CTNNA2: variants seen among roughly 807,000 people sequenced by gnomAD.
CTNNA2 encodes the protein catenin alpha 2, also known as catenin alpha-2.
CTNNA2 carries 42 observed loss-of-function variants against 101.0 expected under a neutral mutation model. That is an observed-to-expected ratio of 0.42 (90% CI 0.32 to 0.54). CTNNA2 has a LOEUF of 0.54. Ranked by LOEUF, CTNNA2 falls within the 20% of genes least tolerant of loss-of-function variation. The probability of loss-of-function intolerance (pLI) is 0.14; values close to 1 mark genes in which losing one functional copy is unlikely to be tolerated. For missense variants in CTNNA2, 871 were observed against 1,223.1 expected (o/e 0.71, Z 4.29); for synonymous variants, 450 against 456.4 (o/e 0.99, Z 0.18).
intron 1 of CTNNA2, among the ~76,000 whole-genome samples, chr2:79,639,541 T>C (rs1680304287): frequency 6.6e-6 from 1 of 152,202 alleles, no homozygotes; most frequent in Admixed American, 6.5e-5. Flanking sequence ...GAGTTTCTAA[T>C]GCATTCTGGA....
rs1056851664 is a variant in CTNNA2 at position 79,312,271 on chromosome 2, T to C, written c.-405-438T>C. Among the ~76,000 whole-genome samples, 9 of 150,998 alleles carry C rather than the reference T, an allele frequency of 6.0e-5. No individual in the cohort carries two copies. The East Asian group carries it at 1.8e-3, about 30-fold the overall frequency. On this transcript the variant is annotated intron_variant, in intron 2 of 21. Coordinates refer to the CTNNA2 transcript ENST00000466387. ...ATTAGTCAGTAGAAAGAGGTACTGA[T>C]AGAAATGTGTAGTTGGCCAGTCATT...
rs576671894 is a variant in CTNNA2, at chr2:80,566,862, G to A, written c.1742-7301G>A. Among the ~76,000 whole-genome samples, 7 of 152,312 alleles carry A rather than the reference G, an allele frequency of 4.6e-5. No individual in the cohort carries two copies. In the South Asian group the frequency reaches 1.4e-3, roughly 32 times the overall value. ...ATCAGGAAAAATTCTATTTGACTTA[G>A]GTTTAGAGATTCGAACATTAATTGA... On this transcript the variant is annotated intron_variant, in intron 12 of 18. Coordinates refer to ENST00000402739, the MANE Select transcript of CTNNA2 (RefSeq NM_001282597.3).
Position 80,362,237 on chromosome 2 carries a change from A to T in CTNNA2, c.1057-30974A>T, listed in dbSNP as rs984428053. Among the ~76,000 whole-genome samples, 10 of 152,204 alleles carry T rather than the reference A, an allele frequency of 6.6e-5. No individual in the cohort carries two copies. In the South Asian group the frequency reaches 1.7e-3, roughly 25 times the overall value. ...GATAGTTCCCAGGTCCTTGAGAAAG[A>T]CACTCCTCCATTATAAGGCTGGCAA... On this transcript the variant is annotated intron_variant, in intron 7 of 18. Coordinates refer to ENST00000402739, the MANE Select transcript of CTNNA2 (RefSeq NM_001282597.3).
At chr2:79,442,657 TCAC>T (rs1287177329) in intron 4 of CTNNA2, among the ~76,000 whole-genome samples, 1 of 152,168 alleles carries the variant, frequency 6.6e-6, no homozygotes, top group Non-Finnish European at 1.5e-5. Context: ...TATAATAAAA[TCAC>T]CAATTCCTTT....
chr2:79,561,368 A>G (rs1397141603), intron 1 of CTNNA2, among the ~76,000 whole-genome samples: 5 of 151,920 alleles, frequency 3.3e-5, no homozygotes, highest in Admixed American at 6.6e-5. Flanking sequence ...TCAATCATGA[A>G]TAATGCTACT....
rs71385287 is a variant in CTNNA2 at position 79,563,161 on chromosome 2, GTATATATATATA to G, written c.-6+49970_-6+49981del. On this transcript the variant is annotated intron_variant, in intron 1 of 18. Transcript: ENST00000402739. ...GGAAAACACCTAATAATAAAGATGT[GTATATATATATA>G]TATATATATATATATTTTCCTTCAT... 6.4e-5 allele frequency among the ~76,000 whole-genome samples: 5 copies of G among 78,618 alleles called. No homozygotes were observed. In the South Asian group the frequency reaches 1.5e-3, roughly 24 times the overall value. 51.6% of individuals were successfully genotyped at this position (78,618 alleles called of 152,430 possible).
chr2:79,203,238 A>T lies in CTNNA2; in HGVS notation c.-406+5162A>T, dbSNP rs530598600. On this transcript the variant is annotated intron_variant, in intron 2 of 21. Coordinates refer to the CTNNA2 transcript ENST00000466387. ...AAAATCCTGTTCATTTCTAATGAAG[A>T]ACTGTTTAAATCTCACTCCAGTTAT... is the stretch of plus-strand genomic sequence containing the variant. Among the ~76,000 whole-genome samples, 84 of 152,318 alleles carry T rather than the reference A, an allele frequency of 5.5e-4. 1 individual carries two copies. Among genetic ancestry groups the T allele is most frequent in the African/African-American group, 2.0e-3 (82 of 41,578 alleles).
intron 7 of CTNNA2, among the ~76,000 whole-genome samples, chr2:79,976,068 C>G (rs1690819091): frequency 6.6e-6 from 1 of 152,142 alleles, no homozygotes; most frequent in Admixed American, 6.5e-5. Flanking sequence ...ACCTCATTAA[C>G]ATACAATAGA....
intron 1 of CTNNA2, among the ~76,000 whole-genome samples, chr2:79,569,442 C>A (rs1289261176): frequency 6.6e-6 from 1 of 152,158 alleles, no homozygotes; most frequent in African/African-American, 2.4e-5. Flanking sequence ...GTCATGAAAA[C>A]ATGCCATACT....
intron 3 of CTNNA2, among the ~76,000 whole-genome samples, chr2:79,778,790 G>T (rs903312592): frequency 6.6e-6 from 1 of 151,968 alleles, no homozygotes; most frequent in Non-Finnish European, 1.5e-5. Flanking sequence ...CAAGAAGTAG[G>T]CAAAGTTGTT....
chr2:80,039,561 A>G (rs747698470), intron 7 of CTNNA2, among the ~76,000 whole-genome samples: 1 of 152,178 alleles, frequency 6.6e-6, no homozygotes, highest in African/African-American at 2.4e-5. Flanking sequence ...CCCAGGAGGG[A>G]TGGCTGACCT....
intron 1 of CTNNA2, among the ~76,000 whole-genome samples, chr2:79,579,434 A>G (rs1431532054): frequency 6.6e-6 from 1 of 152,098 alleles, no homozygotes; most frequent in African/African-American, 2.4e-5. Flanking sequence ...GTAGAATTAG[A>G]CACCTGAACT....
intron 7 of CTNNA2, among the ~76,000 whole-genome samples, chr2:80,339,844 G>A (rs1672077597): frequency 6.6e-6 from 1 of 152,184 alleles, no homozygotes; most frequent in South Asian, 2.1e-4. Context: ...TTGGTTTGGA[G>A]TAGCTCAAAG....
chr2:80,630,901 TGAA>T (rs1295444616), intron 18 of CTNNA2, among the ~76,000 whole-genome samples: 13 of 152,160 alleles, frequency 8.5e-5, no homozygotes, highest in Non-Finnish European at 1.2e-4. Context: ...AGGTAGAAGC[TGAA>T]GAAGTTGCAT....
chr2:79,527,505 C>G (rs1174188398), intron 1 of CTNNA2, among the ~76,000 whole-genome samples: 1 of 148,810 alleles, frequency 6.7e-6, no homozygotes, highest in Non-Finnish European at 1.5e-5. Context: ...ATTAACCAGG[C>G]CTGGTGGTTG....
At chr2:80,023,658 G>C (rs1694730852) in intron 7 of CTNNA2, among the ~76,000 whole-genome samples, 2 of 152,204 alleles carry the variant, frequency 1.3e-5, no homozygotes, top group Admixed American at 1.3e-4. Context: ...CAACATTTTT[G>C]TGCAAATTAC....
chr2:80,593,093 T>A (rs1696653870), intron 15 of CTNNA2, among the ~76,000 whole-genome samples: 1 of 152,150 alleles, frequency 6.6e-6, no homozygotes, highest in South Asian at 2.1e-4. Context: ...CCAAGGAAAC[T>A]AAAAACATAC....
chr2:79,834,080 C>G (rs1459597168), intron 3 of CTNNA2, among the ~76,000 whole-genome samples: 2 of 152,096 alleles, frequency 1.3e-5, no homozygotes, highest in Non-Finnish European at 2.9e-5. Flanking sequence ...TGCACATTTC[C>G]TTGTGGAGAA....
chr2:80,220,444 G>A lies in CTNNA2; in HGVS notation c.1057-172767G>A, dbSNP rs564905139. 3.6e-3 allele frequency among the ~76,000 whole-genome samples: 542 copies of A among 152,316 alleles called. 4 individuals are homozygous for A. The highest frequency in any genetic ancestry group is 0.012 in the African/African-American group (501 of 41,552). ...TTTTGCATTTTTTAAATTTTCAGCT[G>A]GGCATGGAGGCTCATGCCTGTAATC... is the stretch of plus-strand genomic sequence containing the variant. On this transcript the variant is annotated intron_variant, in intron 7 of 18. Transcript: ENST00000402739.
Sources: gnomAD v4.1 joint callset for allele counts (sites outside exome capture counted in the v4.1 genomes callset) on GRCh38, gnomAD v4.1.1 for gene constraint, MANE v1.5 for transcripts, NCBI Gene and HGNC (gene_info 2026-07-23, HGNC 2026-07-21) for gene names.